RNF121: variants seen among roughly 807,000 people sequenced by gnomAD.
RNF121 encodes E3 ubiquitin ligase RNF121.
In RNF121, 21 loss-of-function variants were observed where a neutral mutation model predicts 46.5. The observed-to-expected ratio is 0.45, with a 90% CI of 0.32 to 0.65. The LOEUF (loss-of-function observed/expected upper bound fraction) is 0.65. Among genes scored for constraint, RNF121 ranks in the 30% least tolerant of loss-of-function variants. The pLI, the probability that RNF121 is intolerant of heterozygous loss-of-function variation, is 0.04. For synonymous variants in RNF121, 139 were observed against 144.7 expected (o/e 0.96, Z 0.28); for missense variants, 346 against 416.0 (o/e 0.83, Z 1.46).
chr11:71,974,096 C>G (rs1590802084), intron 3 of RNF121, among the ~76,000 whole-genome samples: 3 of 152,134 alleles, frequency 2.0e-5, no homozygotes, highest in Admixed American at 2.0e-4. Context: ...TGCCTGCCAT[C>G]GTGTCTGGCT....
chr11:71,973,558 G>A (rs369643026), intron 3 of RNF121, among the ~76,000 whole-genome samples: 128 of 152,054 alleles, frequency 8.4e-4, no homozygotes, highest in African/African-American at 2.6e-3. Flanking sequence ...AGGCCGAGGC[G>A]GGCAGATCAC....
intron 1 of RNF121, among the ~76,000 whole-genome samples, chr11:71,932,813 G>A (rs527381827): frequency 1.4e-4 from 21 of 152,282 alleles, no homozygotes; most frequent in Non-Finnish European, 2.1e-4. Context: ...TCCCTGAGGG[G>A]ATCAAAATGA....
intron 1 of RNF121, among the ~76,000 whole-genome samples, chr11:71,940,464 G>A (rs1297743884): frequency 6.6e-6 from 1 of 152,148 alleles, no homozygotes; most frequent in South Asian, 2.1e-4. Context: ...TAGAGCATTA[G>A]GAATGAACGC....
chr11:71,962,916 G>A (rs951304870), intron 3 of RNF121, among the ~76,000 whole-genome samples: 1 of 152,018 alleles, frequency 6.6e-6, no homozygotes, highest in African/African-American at 2.4e-5. Context: ...TACTTTAGTG[G>A]ATGTAGATGT....
rs918772102 is a variant in RNF121, at chr11:71,961,966, A to T, written c.243+1075A>T. Among the ~76,000 whole-genome samples the T allele has an allele frequency of 1.1e-4, 15 of 134,268 alleles. No individual in the cohort carries two copies. The East Asian group carries it at 2.4e-3, about 21-fold the overall frequency. 88.1% of individuals were successfully genotyped at this position (134,268 alleles called of 152,430 possible). On this transcript the variant is annotated intron_variant, in intron 3 of 8. Coordinates refer to ENST00000361756, the MANE Select transcript of RNF121 (RefSeq NM_018320.5). ...ATATAATTTTGGCTAATCTGCAAAG[A>T]TTTTTTTTTTTTTTTTTTTGAGACA... is the stretch of plus-strand genomic sequence containing the variant.
chr11:71,982,428 C>T (rs1035627389), intron 3 of RNF121, among the ~76,000 whole-genome samples: 4 of 150,666 alleles, frequency 2.7e-5, no homozygotes, highest in African/African-American at 4.9e-5. Flanking sequence ...ATTTCGTGTT[C>T]GAGATACCAT....
intron 3 of RNF121, among the ~76,000 whole-genome samples, chr11:71,961,195 C>G (rs1291901913): frequency 6.6e-6 from 1 of 152,092 alleles, no homozygotes; most frequent in Admixed American, 6.6e-5. Context: ...TTGGAGAGAG[C>G]AAAGATGAAT....
intron 3 of RNF121, among the ~76,000 whole-genome samples, chr11:71,964,800 A>G (rs7106653): frequency 0.92 from 140,123 of 152,198 alleles, 64,805 homozygotes; most frequent in Non-Finnish European, 0.98. Flanking sequence ...GTTTTAGTAC[A>G]AGTTAGCAAC....
chr11:71,986,950 C>A, intron 4 of RNF121, 54 bp from the exon 5 acceptor site: 2 of 1,019,592 alleles, frequency 2.0e-6, no homozygotes, highest in Non-Finnish European at 3.1e-6. Flanking sequence ...TGATCAGGAC[C>A]ATTAAGGCCA....
intron 1 of RNF121, among the ~76,000 whole-genome samples, chr11:71,945,911 A>G (rs1953703393): frequency 6.6e-6 from 1 of 152,066 alleles, no homozygotes; most frequent in East Asian, 1.9e-4. Context: ...CCGGGAGTTC[A>G]AGACCAGCTT....
chr11:71,935,921 C>G (rs1437657575), intron 1 of RNF121, among the ~76,000 whole-genome samples: 1 of 142,726 alleles, frequency 7.0e-6, no homozygotes, highest in African/African-American at 2.6e-5. Context: ...GACCTTGGCT[C>G]ACTGCAGCCT....
rs1476519024 is a variant in RNF121, at chr11:71,987,202, G to A, written c.506+91G>A. On this transcript the variant is annotated intron_variant, in intron 5 of 8. Coordinates refer to ENST00000361756, the MANE Select transcript of RNF121 (RefSeq NM_018320.5). ...TGTTGCAAGTCGTGGTTATTAACAG[G>A]AGGGACGTAATATCCAGGATAGGAG... 3 of 838,358 alleles carry A rather than the reference G, an allele frequency of 3.6e-6. No individual in the cohort carries two copies. In the Admixed American group the frequency reaches 5.4e-5, roughly 15 times the overall value. The allele number at this position is 838,358 out of a possible 1,614,324, so 51.9% of individuals were successfully genotyped here.
At chr11:71,943,939 G>A (rs1444807677) in intron 1 of RNF121, among the ~76,000 whole-genome samples, 1 of 152,166 alleles carries the variant, frequency 6.6e-6, no homozygotes, top group African/African-American at 2.4e-5. Context: ...AGGGAGACTG[G>A]AAAGGGAGGC....
At chr11:71,980,329 C>T (rs552792709) in intron 3 of RNF121, among the ~76,000 whole-genome samples, 93 of 136,888 alleles carry the variant, frequency 6.8e-4, no homozygotes, top group African/African-American at 2.4e-3. Flanking sequence ...CTCACTGTTT[C>T]TTTTTTCCTG....
chr11:71,934,942 T>G lies in RNF121; in HGVS notation c.63+5818T>G, dbSNP rs63735061. On this transcript the variant is annotated intron_variant, in intron 1 of 8. Coordinates refer to ENST00000361756, the MANE Select transcript of RNF121 (RefSeq NM_018320.5). ...TGTGCCAAGTGTTCCAAATGCATTC[T>G]TTTTTTTTTTTTTTTTTTTTAGACA... Among the ~76,000 whole-genome samples the G allele has an allele frequency of 9.4e-4, 2 of 2,118 alleles. 1 individual carries two copies. 1.4% of individuals were successfully genotyped at this position (2,118 alleles called of 152,430 possible). A position where few individuals can be genotyped will look rare whatever the true frequency, so the allele number is the denominator to read the frequency against.
intron 4 of RNF121, 171 bp downstream of exon 4, chr11:71,983,086 C>T (rs1954697476): frequency 2.2e-6 from 1 of 461,240 alleles, no homozygotes; most frequent in Non-Finnish European, 3.6e-6. Flanking sequence ...CCCTATTTAT[C>T]GATTAAAAAC....
intron 3 of RNF121, chr11:71,978,309 T>C (rs1343303572): frequency 7.5e-6 from 2 of 266,650 alleles, no homozygotes; most frequent in Admixed American, 5.0e-5. Context: ...CCCCAGGAAC[T>C]GGGTCCTTCC....
intron 3 of RNF121, among the ~76,000 whole-genome samples, chr11:71,974,325 A>G (rs997513906): frequency 1.1e-4 from 17 of 152,194 alleles, no homozygotes; most frequent in Admixed American, 5.2e-4. Context: ...AATACTTTAG[A>G]TTGCTTATAG....
intron 1 of RNF121, among the ~76,000 whole-genome samples, chr11:71,947,739 AAGT>A (rs1453770860): frequency 2.6e-5 from 4 of 152,202 alleles, no homozygotes; most frequent in Non-Finnish European, 5.9e-5. Flanking sequence ...AAGTTTGTCA[AAGT>A]AGTAGGATGA....
Sources: allele counts gnomAD v4.1 joint callset (sites outside exome capture counted in the v4.1 genomes callset), GRCh38; gene constraint gnomAD v4.1.1; transcripts MANE v1.5; gene names NCBI Gene and HGNC (gene_info 2026-07-23, HGNC 2026-07-21).